Variants in AGMO observed in about 807,000 individuals in gnomAD.
The protein encoded by AGMO is glyceryl-ether monooxygenase.
AGMO carries 75 observed loss-of-function variants against 60.2 expected under a neutral mutation model. That is an observed-to-expected ratio of 1.25 (90% CI 1.03 to 1.51). The LOEUF (loss-of-function observed/expected upper bound fraction) is 1.51, where lower values mean the gene tolerates loss of function less well. Among genes scored for constraint, AGMO ranks in the 40% most tolerant of loss-of-function variants. The probability of loss-of-function intolerance (pLI) is 0.00; values close to 1 mark genes in which losing one functional copy is unlikely to be tolerated. For missense variants in AGMO, 763 were observed against 525.5 expected, an observed-to-expected ratio of 1.45 and a Z score of -4.42; for synonymous variants, 261 against 177.1, an observed-to-expected ratio of 1.47 and a Z score of -3.76.
intron 4 of AGMO, 109 bp downstream of exon 4, chr7:15,430,896 T>G: frequency 1.6e-6 from 1 of 631,208 alleles, no homozygotes; most frequent in Non-Finnish European, 2.5e-6. Context: ...AGAGAAGCAT[T>G]TTAGTAAAAC....
At chr7:15,400,642 G>A (rs1047288043) in intron 5 of AGMO, among the ~76,000 whole-genome samples, 4 of 152,120 alleles carry the variant, frequency 2.6e-5, no homozygotes, top group Non-Finnish European at 5.9e-5. Context: ...TTGAAGCCAG[G>A]AATGAAAGTC....
chr7:15,313,354 G>A (rs560731992), intron 12 of AGMO, among the ~76,000 whole-genome samples: 5 of 152,240 alleles, frequency 3.3e-5, no homozygotes, highest in East Asian at 1.9e-4. Context: ...ATTTACAAAT[G>A]AGGAACTAGA....
intron 12 of AGMO, among the ~76,000 whole-genome samples, chr7:15,295,757 C>T (rs568694438): frequency 8.7e-4 from 132 of 152,100 alleles, no homozygotes; most frequent in Non-Finnish European, 1.7e-3. Context: ...CTCAGGAATT[C>T]CAATTCTAGA....
At chr7:15,178,350 G>A in the AGMO span, among the ~76,000 whole-genome samples, 1 of 152,098 alleles carries the variant, frequency 6.6e-6, no homozygotes, top group East Asian at 1.9e-4. Flanking sequence ...GGCCTTTGAA[G>A]GCATTATTGC....
chr7:15,524,864 A>C (rs1407766096), intron 3 of AGMO, among the ~76,000 whole-genome samples: 1 of 149,344 alleles, frequency 6.7e-6, no homozygotes, highest in Non-Finnish European at 1.5e-5. Context: ...TTCCATCTCA[A>C]AAAAAAAAAA....
the AGMO span, among the ~76,000 whole-genome samples, chr7:15,131,757 A>AAC: frequency 0.053 from 7,736 of 146,222 alleles, 341 homozygotes; most frequent in African/African-American, 0.13. Flanking sequence ...CAAAGAAATT[A>AAC]ACACACACAC....
At chr7:15,452,116 A>G (rs914334968) in intron 3 of AGMO, among the ~76,000 whole-genome samples, 3 of 151,950 alleles carry the variant, frequency 2.0e-5, no homozygotes, top group Non-Finnish European at 1.5e-5. Flanking sequence ...CTTTAACAAG[A>G]GATAAAACTA....
chr7:15,375,340 G>A (rs1166198218), intron 10 of AGMO, among the ~76,000 whole-genome samples: 2 of 148,016 alleles, frequency 1.4e-5, no homozygotes, highest in Non-Finnish European at 3.0e-5. Flanking sequence ...GAGAAAAGAT[G>A]TTAAAAGACT....
chr7:15,243,859 T>C (rs1782665373), intron 12 of AGMO, among the ~76,000 whole-genome samples: 3 of 152,172 alleles, frequency 2.0e-5, no homozygotes, highest in South Asian at 2.1e-4. Flanking sequence ...ATTTATACTC[T>C]AGGCAACTAC....
At chr7:15,540,661 C>T (rs571184890) in intron 3 of AGMO, among the ~76,000 whole-genome samples, 336 of 152,300 alleles carry the variant, frequency 2.2e-3, no homozygotes, top group Non-Finnish European at 3.8e-3. Context: ...GGCCCTTCCC[C>T]ATACTTGGTT....
intron 3 of AGMO, among the ~76,000 whole-genome samples, chr7:15,472,145 A>C (rs1782464396): frequency 6.6e-6 from 1 of 151,870 alleles, no homozygotes; most frequent in Admixed American, 6.6e-5. Flanking sequence ...GACTATGTGT[A>C]AATCAAATGT....
chr7:15,198,243 G>GAGAGAGAC, downstream of AGMO, among the ~76,000 whole-genome samples: 1 of 98,694 alleles, frequency 1.0e-5, no homozygotes, highest in South Asian at 3.4e-4. Flanking sequence ...GAGAGAGAGA[G>GAGAGAGAC]AGAGAGAGAG....
At chr7:15,410,972 C>A (rs1780576895) in intron 5 of AGMO, among the ~76,000 whole-genome samples, 1 of 151,932 alleles carries the variant, frequency 6.6e-6, no homozygotes, top group South Asian at 2.1e-4. Flanking sequence ...TTGAAACTTA[C>A]TTGCTATTGT....
intron 3 of AGMO, among the ~76,000 whole-genome samples, chr7:15,505,845 G>A (rs1783500137): frequency 6.6e-6 from 1 of 151,952 alleles, no homozygotes; most frequent in South Asian, 2.1e-4. Context: ...AAGAAAAAAA[G>A]TAAAACAAAA....
At chr7:15,472,682 T>C (rs80063081) in intron 3 of AGMO, among the ~76,000 whole-genome samples, 10,110 of 152,060 alleles carry the variant, frequency 0.066, 1,102 homozygotes, top group African/African-American at 0.23. Context: ...AAGAATATTA[T>C]GTGATCATAT....
intron 5 of AGMO, among the ~76,000 whole-genome samples, chr7:15,406,491 T>C (rs1308374224): frequency 1.0e-4 from 13 of 123,880 alleles, no homozygotes; most frequent in Non-Finnish European, 2.0e-4. Context: ...GTATATGTGA[T>C]CCTAAAATTG....
rs527463907 is a variant in AGMO at position 15,270,596 on chromosome 7, A to ATTTTTTT, written c.1264-69244_1264-69238dup. Among the ~76,000 whole-genome samples the ATTTTTTT allele has an allele frequency of 1.1e-3, 52 of 48,052 alleles. 2 individuals carry two copies. Among genetic ancestry groups the ATTTTTTT allele is most frequent in the Non-Finnish European group, 1.5e-3 (39 of 25,764 alleles). 31.5% of individuals were successfully genotyped at this position (48,052 alleles called of 152,430 possible). Reference sequence around the variant, plus strand: ...ATTAAACAAATTTAATCTGTTGATAATTTTTTTTTTTTTTTTTTTTTTTTT... The same window carrying ATTTTTTT: ...ATTAAACAAATTTAATCTGTTGATAATTTTTTTTTTTTTTTTTTTTTTTTTTTTTTTT... On this transcript the variant is annotated intron_variant, in intron 12 of 12. Coordinates refer to ENST00000342526, the MANE Select transcript of AGMO (RefSeq NM_001004320.2).
chr7:15,555,270 CATATAT>C lies in AGMO; in HGVS notation c.257+4865_257+4870del, dbSNP rs375890408. ...TTACAAATAAATTAATGTATTGGATCATATATATATATATATATATATACACACACA... is the reference window on the plus strand; with the variant it reads ...TTACAAATAAATTAATGTATTGGATCATATATATATATATATACACACACA... On this transcript the variant is annotated intron_variant, in intron 2 of 12. Transcript: ENST00000342526. 2.7e-4 allele frequency among the ~76,000 whole-genome samples: 31 copies of C among 114,062 alleles called. No individual in the cohort carries two copies. In the East Asian group the frequency reaches 4.3e-3, roughly 16 times the overall value. 74.8% of individuals were successfully genotyped at this position (114,062 alleles called of 152,430 possible). A position where few individuals can be genotyped will look rare whatever the true frequency, so the allele number is the denominator to read the frequency against.
chr7:15,359,317 T>C (rs1231431106), intron 12 of AGMO, among the ~76,000 whole-genome samples: 2 of 151,314 alleles, frequency 1.3e-5, no homozygotes, highest in Admixed American at 1.3e-4. Context: ...AGAAATTAGA[T>C]TTATTATTTT....
Sources: gnomAD v4.1 joint callset for allele counts (sites outside exome capture counted in the v4.1 genomes callset) on GRCh38, gnomAD v4.1.1 for gene constraint, MANE v1.5 for transcripts, NCBI Gene and HGNC (gene_info 2026-07-23, HGNC 2026-07-21) for gene names.